The following MED27 variants were observed in gnomAD, a reference collection of about 807,000 sequenced individuals.
MED27 encodes mediator complex subunit 27, also known as mediator of RNA polymerase II transcription subunit 27.
Under a neutral mutation model 38.2 loss-of-function variants are expected in MED27, and 30 were observed. The ratio of observed to expected loss-of-function variants is 0.79; its 90% CI spans 0.59 to 1.07. MED27 has a LOEUF of 1.07. Ranked by LOEUF, MED27 falls within the 50% of genes least tolerant of loss-of-function variation. MED27 has a pLI of 0.00. For missense variants in MED27, 289 were observed against 397.5 expected (o/e 0.73, Z 2.32); for synonymous variants, 122 against 153.5 (o/e 0.79, Z 1.52).
intron 3 of MED27, among the ~76,000 whole-genome samples, chr9:132,010,485 G>A (rs1194813837): frequency 6.6e-6 from 1 of 152,170 alleles, no homozygotes; most frequent in African/African-American, 2.4e-5. Context: ...GATTCCTCAG[G>A]GATCTAGAAC....
intron 4 of MED27, among the ~76,000 whole-genome samples, chr9:131,931,156 G>A (rs769106588): frequency 2.0e-5 from 3 of 152,078 alleles, no homozygotes; most frequent in Non-Finnish European, 4.4e-5. Flanking sequence ...GAGGAGGGAG[G>A]ATCACTTGAG....
At chr9:131,998,073 A>C (rs1026907941) in intron 3 of MED27, among the ~76,000 whole-genome samples, 5 of 152,160 alleles carry the variant, frequency 3.3e-5, no homozygotes, top group Non-Finnish European at 2.9e-5. Context: ...CAAAGCAGAA[A>C]GCTCTAATTC....
At chr9:132,060,561 G>A (rs558768028) in intron 2 of MED27, among the ~76,000 whole-genome samples, 2 of 152,292 alleles carry the variant, frequency 1.3e-5, no homozygotes, top group Admixed American at 6.5e-5. Context: ...TTCAAGGGCC[G>A]CCCTTTCCAA....
Position 131,860,772 on chromosome 9 carries a change from C to G in MED27, c.802-100G>C, listed in dbSNP as rs561740016. The G allele has an allele frequency of 8.0e-5, 112 of 1,400,262 alleles. No homozygotes were observed. Among genetic ancestry groups the G allele is most frequent in the Non-Finnish European group, 1.0e-4 (104 of 1,024,378 alleles). 86.7% of individuals were successfully genotyped at this position (1,400,262 alleles called of 1,614,324 possible). A position where few individuals can be genotyped will look rare whatever the true frequency, so the allele number is the denominator to read the frequency against. On this transcript the variant is annotated intron_variant, in intron 7 of 7. Transcript: ENST00000292035. The surrounding 1 kb of genome is among the most constrained non-coding windows in gnomAD (Gnocchi z 5.8). ...TAATGGCCCAGACAACTTAAGTTGG[C>G]TTTGGCCCCAGAAGATGCCCTGTGA...
In MED27 at chr9:132,029,890, C is replaced by A. The variant is rs577002383; in HGVS notation, c.349-15423G>T. ...TGTGTGTGGGGGCGGGGGAGGGGAG[C>A]AGAGCATGGCCCAAAAATTGCAAAT... is the stretch of plus-strand genomic sequence containing the variant. On this transcript the variant is annotated intron_variant, in intron 2 of 7. Transcript: ENST00000292035. Among the ~76,000 whole-genome samples, 3 of 151,972 alleles carry A rather than the reference C, an allele frequency of 2.0e-5. No homozygotes were observed. In the East Asian group the frequency reaches 5.8e-4, roughly 29 times the overall value.
chr9:132,050,280 C>G (rs1254097971), intron 2 of MED27, among the ~76,000 whole-genome samples: 1 of 152,188 alleles, frequency 6.6e-6, no homozygotes, highest in Non-Finnish European at 1.5e-5. Context: ...AAAGTACCAG[C>G]TATGTTCCAA....
At chr9:131,966,017 G>A (rs981454125) in intron 3 of MED27, among the ~76,000 whole-genome samples, 2 of 150,178 alleles carry the variant, frequency 1.3e-5, no homozygotes, top group African/African-American at 2.5e-5. Flanking sequence ...GCAACCATGC[G>A]CATCCCAGAG....
intron 3 of MED27, among the ~76,000 whole-genome samples, chr9:131,977,719 ATTG>A (rs1183583086): frequency 6.6e-6 from 1 of 152,228 alleles, no homozygotes; most frequent in African/African-American, 2.4e-5. Context: ...GCCAAAAATA[ATTG>A]TTATGTTCAT....
At chr9:132,023,676 G>A (rs1425363753) in intron 2 of MED27, among the ~76,000 whole-genome samples, 1 of 152,068 alleles carries the variant, frequency 6.6e-6, no homozygotes, top group Non-Finnish European at 1.5e-5. Flanking sequence ...GCTTACTGGG[G>A]ATATACAGTC....
Position 132,029,150 on chromosome 9 carries a change from T to C in MED27, c.349-14683A>G, listed in dbSNP as rs1353710013. Among the ~76,000 whole-genome samples, 4 of 152,294 alleles carry C rather than the reference T, an allele frequency of 2.6e-5. No homozygotes were observed. The East Asian group carries it at 7.7e-4, about 29-fold the overall frequency. ...CAAAAATCTGGCCATTTCATGCATG[T>C]ATTGTTGAAGAGTCAGGGAGGGAGC... On this transcript the variant is annotated intron_variant, in intron 2 of 7. Coordinates refer to ENST00000292035, the MANE Select transcript of MED27 (RefSeq NM_004269.4).
chr9:131,948,856 T>C (rs994279216), intron 3 of MED27, among the ~76,000 whole-genome samples: 3 of 152,208 alleles, frequency 2.0e-5, no homozygotes, highest in Non-Finnish European at 4.4e-5. Context: ...TTAGTAGCTC[T>C]TGAATTTCGA....
At chr9:131,938,067 C>T (rs1830715124) in intron 4 of MED27, among the ~76,000 whole-genome samples, 1 of 152,120 alleles carries the variant, frequency 6.6e-6, no homozygotes, top group African/African-American at 2.4e-5. Flanking sequence ...GTGAATGTCA[C>T]TAATTTGTTT....
intron 4 of MED27, among the ~76,000 whole-genome samples, chr9:131,912,468 C>G (rs1830209130): frequency 6.6e-6 from 1 of 152,112 alleles, no homozygotes; most frequent in Non-Finnish European, 1.5e-5. Flanking sequence ...GGTTTGATAC[C>G]ACACCTGACT....
At position 131,862,838 on chromosome 9, in the gene MED27, C is replaced by G. The variant is rs571614883; in HGVS notation, c.801+225G>C. ...TTTTGGAAGATCATTTCTGAAACCACCGCTTTTTCAGCAAGTAGAGAAAGC... is the reference window on the plus strand; with the variant it reads ...TTTTGGAAGATCATTTCTGAAACCAGCGCTTTTTCAGCAAGTAGAGAAAGC... On this transcript the variant is annotated intron_variant, in intron 7 of 7. Coordinates refer to ENST00000292035, the MANE Select transcript of MED27 (RefSeq NM_004269.4). This position sits in a 1 kb window ranked among gnomAD's most constrained non-coding sequence, Gnocchi z 4.6. 2.6e-5 allele frequency among the ~76,000 whole-genome samples: 4 copies of G among 152,308 alleles called. No homozygotes were observed. Among genetic ancestry groups the G allele is most frequent in the Admixed American group, 2.6e-4 (4 of 15,304 alleles).
At chr9:131,995,480 A>G (rs539166634) in intron 3 of MED27, among the ~76,000 whole-genome samples, 3 of 152,270 alleles carry the variant, frequency 2.0e-5, no homozygotes, top group Non-Finnish European at 2.9e-5. Flanking sequence ...GAGCACAACC[A>G]TCAACGTGGT....
At chr9:132,016,962 C>T (rs1832616490) in intron 2 of MED27, among the ~76,000 whole-genome samples, 1 of 152,222 alleles carries the variant, frequency 6.6e-6, no homozygotes, top group Non-Finnish European at 1.5e-5. Flanking sequence ...CAGTGCACCT[C>T]TAACAGCACA....
chr9:131,881,815 TTTTTTTTTTG>T, intron 6 of MED27, among the ~76,000 whole-genome samples: 1 of 139,280 alleles, frequency 7.2e-6, no homozygotes, highest in African/African-American at 2.6e-5. Flanking sequence ...TTTTTTTTTT[TTTTTTTTTTG>T]ATGTAGTCTT....
At chr9:131,911,229 C>A (rs1039745577) in intron 4 of MED27, among the ~76,000 whole-genome samples, 3 of 152,140 alleles carry the variant, frequency 2.0e-5, no homozygotes, top group Admixed American at 2.0e-4. Context: ...CAAGCCATAG[C>A]GTGCAGGAGG....
At chr9:132,032,620 T>C (rs1442590564) in intron 2 of MED27, among the ~76,000 whole-genome samples, 1 of 152,202 alleles carries the variant, frequency 6.6e-6, no homozygotes, top group Non-Finnish European at 1.5e-5. Flanking sequence ...TGTAACAGAA[T>C]GTGTTCGTTC....
Sources: gnomAD v4.1 joint callset for allele counts (sites outside exome capture counted in the v4.1 genomes callset) on GRCh38, gnomAD v4.1.1 for gene constraint, Gnocchi (gnomAD v3.1) non-coding constraint, MANE v1.5 for transcripts, NCBI Gene and HGNC (gene_info 2026-07-23, HGNC 2026-07-21) for gene names.